The following PAX5 variants were observed in gnomAD, a reference collection of about 807,000 sequenced individuals.
The protein encoded by PAX5 is paired box 5.
In PAX5, 9 loss-of-function variants were observed where a neutral mutation model predicts 43.7. The ratio of observed to expected loss-of-function variants is 0.21; its 90% CI spans 0.12 to 0.36. The LOEUF is 0.36. PAX5 is among the 10% of genes least tolerant of loss of function. PAX5 has a pLI of 1.00. For missense variants in PAX5, 383 were observed against 532.7 expected (o/e 0.72, Z 2.77); for synonymous variants, 228 against 214.3 (o/e 1.06, Z -0.56).
intron 1 of PAX5, among the ~76,000 whole-genome samples, chr9:37,022,642 C>T (rs999361187): frequency 6.6e-6 from 1 of 152,164 alleles, no homozygotes; most frequent in African/African-American, 2.4e-5. Context: ...ACAGTGGCAA[C>T]CTTCAGAGGA....
intron 3 of PAX5, among the ~76,000 whole-genome samples, chr9:37,013,009 G>A (rs1208951541): frequency 1.3e-5 from 2 of 152,096 alleles, no homozygotes; most frequent in Admixed American, 6.5e-5. Flanking sequence ...CAGCACTTTG[G>A]GAGGCTGAGG....
chr9:36,940,045 C>T (rs2132054195), intron 6 of PAX5, among the ~76,000 whole-genome samples: 1 of 152,348 alleles, frequency 6.6e-6, no homozygotes, highest in African/African-American at 2.4e-5. Context: ...CCAGCCGGGG[C>T]TTAATTTATT....
chr9:36,988,676 AAAAAAAAAAAGAGAG>A (rs778732707), intron 5 of PAX5, among the ~76,000 whole-genome samples: 3 of 134,186 alleles, frequency 2.2e-5, no homozygotes, highest in Non-Finnish European at 4.8e-5. Context: ...AAAAAAAAAA[AAAAAAAAAAAGAGAG>A]AGAGAGAGAG....
At chr9:37,005,974 T>C (rs545732183) in intron 4 of PAX5, among the ~76,000 whole-genome samples, 10 of 152,298 alleles carry the variant, frequency 6.6e-5, no homozygotes, top group Non-Finnish European at 1.5e-4. Context: ...CCTTGACAGT[T>C]CATAGAGTTC....
intron 7 of PAX5, among the ~76,000 whole-genome samples, chr9:36,908,977 A>C (rs1829035753): frequency 1.3e-5 from 2 of 152,230 alleles, no homozygotes; most frequent in South Asian, 4.1e-4. Context: ...CATTGTGCTA[A>C]CCTGAAAGCA....
chr9:36,943,959 G>C (rs1474812606), intron 6 of PAX5, among the ~76,000 whole-genome samples: 2 of 152,176 alleles, frequency 1.3e-5, no homozygotes, highest in Non-Finnish European at 2.9e-5. Flanking sequence ...GCTGAGGCAG[G>C]AGGATCACTG....
intron 8 of PAX5, among the ~76,000 whole-genome samples, chr9:36,867,272 C>T (rs180898042): frequency 3.9e-5 from 6 of 152,196 alleles, no homozygotes; most frequent in African/African-American, 1.4e-4. Flanking sequence ...CAAGACTCTT[C>T]GGTATACACC....
rs115612105 is a variant in PAX5, at chr9:36,889,573, T to A, written c.911-7468A>T. On this transcript the variant is annotated intron_variant, in intron 7 of 9. Coordinates refer to ENST00000358127, the MANE Select transcript of PAX5 (RefSeq NM_016734.3). Reference sequence around the variant, plus strand: ...ACAGCTAGTCACAAATGGACCCTTATCCAAACGGAGGCGTTCTGGCACCAG... The same window carrying A: ...ACAGCTAGTCACAAATGGACCCTTAACCAAACGGAGGCGTTCTGGCACCAG... Among the ~76,000 whole-genome samples, 1,009 of 152,276 alleles carry A rather than the reference T, an allele frequency of 6.6e-3. 15 individuals are homozygous for A. The highest frequency in any genetic ancestry group is 0.023 in the African/African-American group (957 of 41,542).
At chr9:36,988,115 C>T (rs1836608552) in intron 5 of PAX5, among the ~76,000 whole-genome samples, 1 of 152,050 alleles carries the variant, frequency 6.6e-6, no homozygotes, top group Admixed American at 6.6e-5. Context: ...GGGTCCTAAC[C>T]GAGGCTCCGG....
At chr9:36,873,764 C>G (rs550908647) in intron 8 of PAX5, among the ~76,000 whole-genome samples, 1 of 152,358 alleles carries the variant, frequency 6.6e-6, no homozygotes, top group African/African-American at 2.4e-5. Flanking sequence ...CCGCTGGACC[C>G]TCCCAAGTCT....
At chr9:36,910,627 C>A (rs137961836) in intron 7 of PAX5, among the ~76,000 whole-genome samples, 436 of 152,320 alleles carry the variant, frequency 2.9e-3, no homozygotes, top group African/African-American at 9.6e-3. Flanking sequence ...AGCATAGATG[C>A]CCGCCTGGAC....
At chr9:36,900,623 C>T (rs189267911) in intron 7 of PAX5, among the ~76,000 whole-genome samples, 5 of 152,184 alleles carry the variant, frequency 3.3e-5, no homozygotes, top group Non-Finnish European at 5.9e-5. Flanking sequence ...CTCACTCCCC[C>T]ACTCCGGGCT....
chr9:36,926,166 G>A (rs775119566), intron 6 of PAX5, among the ~76,000 whole-genome samples: 3 of 152,176 alleles, frequency 2.0e-5, no homozygotes, highest in Non-Finnish European at 4.4e-5. Flanking sequence ...AGGTGCCCAA[G>A]CCAGGATTCA....
intron 4 of PAX5, among the ~76,000 whole-genome samples, chr9:37,005,061 G>A (rs1298196370): frequency 6.6e-6 from 1 of 152,334 alleles, no homozygotes; most frequent in Admixed American, 6.5e-5. Context: ...AATATTAGCA[G>A]TTATACCCAT....
intron 6 of PAX5, among the ~76,000 whole-genome samples, chr9:36,957,290 T>C (rs1409198757): frequency 6.6e-6 from 1 of 152,166 alleles, no homozygotes; most frequent in East Asian, 1.9e-4. Context: ...GCAGTCAGTT[T>C]GGGAAATAAC....
At chr9:36,979,124 T>G (rs1198817769) in intron 5 of PAX5, among the ~76,000 whole-genome samples, 1 of 152,218 alleles carries the variant, frequency 6.6e-6, no homozygotes, top group Admixed American at 6.5e-5. Context: ...GCTTCTTCAT[T>G]TCAGAGCTTG....
At chr9:37,017,317 C>T (rs1839465492) in intron 2 of PAX5, among the ~76,000 whole-genome samples, 1 of 152,238 alleles carries the variant, frequency 6.6e-6, no homozygotes, top group Non-Finnish European at 1.5e-5. Context: ...GACTAAGTGA[C>T]TTGCCCAACT....
chr9:36,884,677 G>T (rs918176682), intron 7 of PAX5, among the ~76,000 whole-genome samples: 1 of 152,172 alleles, frequency 6.6e-6, no homozygotes, highest in Non-Finnish European at 1.5e-5. Flanking sequence ...AATAAGCACT[G>T]GGGGGCAGGG....
At chr9:37,026,621 C>T in intron 1 of PAX5, 1 of 1,351,672 alleles carries the variant, frequency 7.4e-7, no homozygotes, top group Non-Finnish European at 9.7e-7. Context: ...CGCCTCCCGG[C>T]GCCAAGGGGC....
Sources: gnomAD v4.1 joint callset for allele counts (sites outside exome capture counted in the v4.1 genomes callset) on GRCh38, gnomAD v4.1.1 for gene constraint, MANE v1.5 for transcripts, NCBI Gene and HGNC (gene_info 2026-07-23, HGNC 2026-07-21) for gene names.